The following USP6NL variants were observed in gnomAD, a reference collection of about 807,000 sequenced individuals.
USP6NL encodes USP6 N-terminal-like protein.
A neutral mutation model predicts 61.9 loss-of-function variants in USP6NL; 26 were observed. That is an observed-to-expected ratio of 0.42 (90% confidence interval 0.31 to 0.58). The LOEUF (loss-of-function observed/expected upper bound fraction) is 0.58, where lower values mean the gene tolerates loss of function less well. USP6NL is among the 20% of genes least tolerant of loss of function. USP6NL has a pLI of 0.16. For synonymous variants in USP6NL, 432 were observed against 390.1 expected (o/e 1.11, Z -1.27); for missense variants, 1,114 against 1,034.3 (o/e 1.08, Z -1.06).
intron 1 of USP6NL, among the ~76,000 whole-genome samples, chr10:11,599,059 A>G (rs1002530910): frequency 3.3e-5 from 5 of 152,218 alleles, no homozygotes; most frequent in African/African-American, 1.2e-4. Flanking sequence ...CATATAACCC[A>G]CATGCTAGTT....
In USP6NL at chr10:11,555,473, G is replaced by T. The variant is rs1220682249; in HGVS notation, c.5-27906C>A. Among the ~76,000 whole-genome samples the T allele has an allele frequency of 2.6e-5, 3 of 117,290 alleles. No individual in the cohort carries two copies. In the Admixed American group the frequency reaches 2.6e-4, roughly 10 times the overall value. 76.9% of individuals were successfully genotyped at this position (117,290 alleles called of 152,430 possible). On this transcript the variant is annotated intron_variant, in intron 2 of 14. Transcript: ENST00000609104. ...ATATAGAGAGAGAGAGAGAGAGAAA[G>T]AGAGAGAGAGAGAGAGAGAGAAGAG...
Position 11,589,209 on chromosome 10 carries a change from T to G in USP6NL, c.4+8422A>C, listed in dbSNP as rs1182316787. On this transcript the variant is annotated intron_variant, in intron 2 of 14. Coordinates refer to ENST00000609104, the MANE Select transcript of USP6NL (RefSeq NM_014688.5). This position sits in a 1 kb window ranked among gnomAD's most constrained non-coding sequence, Gnocchi z 4.7. ...TTTATAATAAAGCATGCCAACAAAA[T>G]ACATCCTACTAGTCACATTATAGTG... is the stretch of plus-strand genomic sequence containing the variant. 1.3e-5 allele frequency among the ~76,000 whole-genome samples: 2 copies of G among 152,176 alleles called. No homozygotes were observed. Among genetic ancestry groups the G allele is most frequent in the Non-Finnish European group, 2.9e-5 (2 of 68,020 alleles).
chr10:11,532,415 C>T lies in USP6NL; in HGVS notation c.5-4848G>A. 3.8e-6 allele frequency: 2 copies of T among 528,644 alleles called. No homozygotes were observed. Among genetic ancestry groups the T allele is most frequent in the Non-Finnish European group, 6.6e-6 (2 of 303,256 alleles). The allele number at this position is 528,644 out of a possible 1,614,324, so 32.7% of individuals were successfully genotyped here. A position where few individuals can be genotyped will look rare whatever the true frequency, so the allele number is the denominator to read the frequency against. On this transcript the variant is annotated intron_variant, in intron 2 of 14. Transcript: ENST00000609104. This position sits in a 1 kb window ranked among gnomAD's most constrained non-coding sequence, Gnocchi z 4.1. ...AGAAAAAGTTTGAGATGCACTCTGT[C>T]TTCTTCTAAGGGAGAAAAAAACCTT...
chr10:11,483,644 GGGGA>G (rs1566124453), intron 13 of USP6NL, among the ~76,000 whole-genome samples: 11 of 1,110 alleles, frequency 9.9e-3, no homozygotes, highest in African/African-American at 0.018. Flanking sequence ...AGAGGGGGAG[GGGGA>G]GAGGGGGGAG....
In USP6NL at chr10:11,595,640, AACAAAAATC is replaced by A. The variant is rs1838302332; in HGVS notation, c.4+1982_4+1990del. ...GAATCTGCTAGACCAGCATGAAAAA[AACAAAAATC>A]ACAAAAAGAAAGAGAGAGACATAAG... On this transcript the variant is annotated intron_variant, in intron 2 of 14. Transcript: ENST00000609104. This position sits in a 1 kb window ranked among gnomAD's most constrained non-coding sequence, Gnocchi z 5.3. Among the ~76,000 whole-genome samples, 1 of 152,014 alleles carries A rather than the reference AACAAAAATC, an allele frequency of 6.6e-6. No homozygotes were observed. The highest frequency in any genetic ancestry group is 1.5e-5 in the Non-Finnish European group (1 of 68,030).
At position 11,577,363 on chromosome 10, in the gene USP6NL, C is replaced by T. The variant is rs191083890; in HGVS notation, c.4+20268G>A. ...ACAGGTGTGAGCCACCACGCCCAGCCTAGAATTCTTACATATCTTTCATTA... is the reference window on the plus strand; with the variant it reads ...ACAGGTGTGAGCCACCACGCCCAGCTTAGAATTCTTACATATCTTTCATTA... On this transcript the variant is annotated intron_variant, in intron 2 of 14. Coordinates refer to ENST00000609104, the MANE Select transcript of USP6NL (RefSeq NM_014688.5). 3.2e-3 allele frequency among the ~76,000 whole-genome samples: 490 copies of T among 151,936 alleles called. 2 individuals are homozygous for T. Among genetic ancestry groups the T allele is most frequent in the African/African-American group, 0.011 (449 of 41,504 alleles).
intron 4 of USP6NL, among the ~76,000 whole-genome samples, chr10:11,519,919 T>C (rs949216213): frequency 6.6e-6 from 1 of 152,200 alleles, no homozygotes; most frequent in African/African-American, 2.4e-5. Flanking sequence ...GATCAAATAA[T>C]ATATCATCTT....
intron 8 of USP6NL, 48 bp downstream of exon 8, chr10:11,493,071 A>C: frequency 6.7e-7 from 1 of 1,482,046 alleles, no homozygotes; most frequent in Non-Finnish European, 9.2e-7. Context: ...GTTAATAAAG[A>C]CTATTTATAA....
In USP6NL at chr10:11,462,554, G is replaced by A; in HGVS notation, c.2374C>T (p.Pro792Ser). The A allele has an allele frequency of 6.2e-7, 1 of 1,614,038 alleles. No homozygotes were observed. Among genetic ancestry groups the A allele is most frequent in the Non-Finnish European group, 8.5e-7 (1 of 1,179,902 alleles). Residue 792 changes from proline (P) to serine (S), a missense_variant, in exon 15 of 15, where the codon CCG (proline) becomes TCG (serine). By Grantham distance (74) the Pro-to-Ser change is moderately conservative (BLOSUM62 -1). Transcript: ENST00000609104. The stretch of plus-strand genomic sequence containing the variant: ...GATGGACTGGCATCTTCTGCGGCCG[G>A]TGAAGCTTTATATCTCACGGGACTA... ...VDSPVRYKAS[P>S]AAEDASPSGY...
At position 11,476,882 on chromosome 10, in the gene USP6NL, A is replaced by T; in HGVS notation, c.1078+4888T>A. ...GCATTTGACTTTTTTTATTATTATT[A>T]TTTTTTCAAGACGGAGTCTTGCTCT... On this transcript the variant is annotated intron_variant, in intron 14 of 14. Coordinates refer to ENST00000609104, the MANE Select transcript of USP6NL (RefSeq NM_014688.5). This position sits in a 1 kb window ranked among gnomAD's most constrained non-coding sequence, Gnocchi z 4.3. Among the ~76,000 whole-genome samples the T allele has an allele frequency of 6.8e-6, 1 of 147,882 alleles. No homozygotes were observed. The highest frequency in any genetic ancestry group is 2.0e-4 in the East Asian group (1 of 5,044).
chr10:11,578,283 T>C (rs2133595515), intron 2 of USP6NL, among the ~76,000 whole-genome samples: 1 of 152,362 alleles, frequency 6.6e-6, no homozygotes. Context: ...CTGTAATTTA[T>C]GAACAATTCA....
intron 2 of USP6NL, among the ~76,000 whole-genome samples, chr10:11,571,329 G>A (rs1419810966): frequency 3.3e-5 from 5 of 151,844 alleles, no homozygotes; most frequent in South Asian, 2.1e-4. Context: ...CAGGTGATCC[G>A]CCCACCTCGG....
chr10:11,555,808 G>A (rs1266364228), intron 2 of USP6NL, among the ~76,000 whole-genome samples: 1 of 152,120 alleles, frequency 6.6e-6, no homozygotes, highest in Admixed American at 6.6e-5. Context: ...AAGATCAACT[G>A]CAAATTTCTA....
Position 11,588,435 on chromosome 10 carries a change from A to C in USP6NL, c.4+9196T>G, listed in dbSNP as rs570461475. On this transcript the variant is annotated intron_variant, in intron 2 of 14. Coordinates refer to ENST00000609104, the MANE Select transcript of USP6NL (RefSeq NM_014688.5). ...AGGTACATATGGGAAAAGGAGCATG[A>C]TACATGCAACCTACTCTCAAATTGT... Among the ~76,000 whole-genome samples the C allele has an allele frequency of 1.3e-4, 20 of 152,348 alleles. No homozygotes were observed. The South Asian group carries it at 2.9e-3, about 22-fold the overall frequency.
At chr10:11,527,958 C>A (rs1043301400) in intron 2 of USP6NL, among the ~76,000 whole-genome samples, 1 of 152,144 alleles carries the variant, frequency 6.6e-6, no homozygotes, top group Non-Finnish European at 1.5e-5. Flanking sequence ...GAACTTGGAT[C>A]TCCACAAAAT....
chr10:11,523,366 A>AT (rs1345295576), intron 4 of USP6NL, among the ~76,000 whole-genome samples: 1 of 152,220 alleles, frequency 6.6e-6, no homozygotes, highest in Non-Finnish European at 1.5e-5. Flanking sequence ...CTGGATCCAC[A>AT]TTTGCAGGCA....
chr10:11,537,509 CA>C lies in USP6NL; in HGVS notation c.5-9943del, dbSNP rs1338255539. Among the ~76,000 whole-genome samples the C allele has an allele frequency of 1.3e-5, 2 of 152,212 alleles. No individual in the cohort carries two copies. The highest frequency in any genetic ancestry group is 2.9e-5 in the Non-Finnish European group (2 of 68,044). ...CAATTTTAACTTTTCATTATCAGCACAAATATGATTTATACCTTCCCATTCA... is the reference window on the plus strand; with the variant it reads ...CAATTTTAACTTTTCATTATCAGCACAATATGATTTATACCTTCCCATTCA... On this transcript the variant is annotated intron_variant, in intron 2 of 14. Coordinates refer to ENST00000609104, the MANE Select transcript of USP6NL (RefSeq NM_014688.5). The surrounding 1 kb of genome is among the most constrained non-coding windows in gnomAD (Gnocchi z 5.1).
At chr10:11,535,750 G>A (rs1161267021) in intron 2 of USP6NL, among the ~76,000 whole-genome samples, 2 of 152,068 alleles carry the variant, frequency 1.3e-5, no homozygotes, top group Admixed American at 6.6e-5. Flanking sequence ...TCTTAGTTAC[G>A]TTTTTAGTTG....
chr10:11,480,365 T>C (rs1305026260), intron 14 of USP6NL, among the ~76,000 whole-genome samples: 2 of 152,256 alleles, frequency 1.3e-5, no homozygotes, highest in African/African-American at 4.8e-5. Flanking sequence ...TAGTTCTATA[T>C]TTTTTCCTCT....
Sources: allele counts gnomAD v4.1 joint callset (sites outside exome capture counted in the v4.1 genomes callset), GRCh38; gene constraint gnomAD v4.1.1; non-coding constraint Gnocchi (gnomAD v3.1); transcripts MANE v1.5; gene names NCBI Gene and HGNC (gene_info 2026-07-23, HGNC 2026-07-21).